The following ACTL6A variants were observed in gnomAD, a reference collection of about 807,000 sequenced individuals.
The protein encoded by ACTL6A is actin-like protein 6A.
A neutral mutation model predicts 59.2 loss-of-function variants in ACTL6A; 5 were observed. The ratio of observed to expected loss-of-function variants is 0.08; its 90% CI spans 0.04 to 0.18. The LOEUF (loss-of-function observed/expected upper bound fraction) is 0.18, where lower values mean the gene tolerates loss of function less well. Among genes scored for constraint, ACTL6A ranks in the 10% least tolerant of loss-of-function variants. The pLI, the probability that ACTL6A is intolerant of heterozygous loss-of-function variation, is 1.00. For missense variants in ACTL6A, 285 were observed against 526.9 expected (o/e 0.54, Z 4.49); for synonymous variants, 154 against 171.8 (o/e 0.90, Z 0.81).
intron 5 of ACTL6A, among the ~76,000 whole-genome samples, chr3:179,575,858 G>C (rs577022954): frequency 2.0e-5 from 3 of 152,272 alleles, no homozygotes; most frequent in Admixed American, 6.5e-5. Flanking sequence ...TTCTTACCAA[G>C]TTTCTGTATA....
intron 10 of ACTL6A, 41 bp downstream of exon 10, chr3:179,581,049 A>G: frequency 6.3e-7 from 1 of 1,598,864 alleles, no homozygotes; most frequent in Non-Finnish European, 8.6e-7. Context: ...CTTTTCCTAT[A>G]TAGGTAAAGA....
chr3:179,587,756 G>A (rs1352649244), intron 13 of ACTL6A, among the ~76,000 whole-genome samples, 174 bp from the exon 14 acceptor site: 1 of 151,946 alleles, frequency 6.6e-6, no homozygotes, highest in Non-Finnish European at 1.5e-5. Context: ...GGAGTCCCAG[G>A]CTGAGGTGGG....
intron 1 of ACTL6A, among the ~76,000 whole-genome samples, chr3:179,565,207 C>T (rs1035160044): frequency 2.0e-5 from 3 of 151,872 alleles, no homozygotes; most frequent in African/African-American, 4.8e-5. Context: ...GAGGCCGAGG[C>T]GGGCGGATCA....
At chr3:179,575,762 G>A (rs1424989868) in intron 5 of ACTL6A, among the ~76,000 whole-genome samples, 1 of 152,200 alleles carries the variant, frequency 6.6e-6, no homozygotes, top group Non-Finnish European at 1.5e-5. Context: ...ACTGCCATAT[G>A]GCTGCCAAAC....
intron 8 of ACTL6A, among the ~76,000 whole-genome samples, chr3:179,577,819 T>C (rs573734608): frequency 6.9e-4 from 104 of 151,518 alleles, no homozygotes; most frequent in African/African-American, 2.2e-3. Flanking sequence ...TCTCATTCTT[T>C]TTTTTTTTTT....
chr3:179,570,416 T>C lies in ACTL6A; in HGVS notation c.277+175T>C. ...TACAAAGATGCATAAGAAATGTTCCTTTTCATTAAAAGCTTACAGTTAGTT... is the reference window on the plus strand; with the variant it reads ...TACAAAGATGCATAAGAAATGTTCCCTTTCATTAAAAGCTTACAGTTAGTT... On this transcript the variant is annotated intron_variant, in intron 3 of 13. Coordinates refer to ENST00000429709, the MANE Select transcript of ACTL6A (RefSeq NM_004301.5). The surrounding 1 kb of genome is among the most constrained non-coding windows in gnomAD (Gnocchi z 4.3). 3 of 588,758 alleles carry C rather than the reference T, an allele frequency of 5.1e-6. No individual in the cohort carries two copies. Among genetic ancestry groups the C allele is most frequent in the Admixed American group, 3.6e-5 (1 of 27,674 alleles). 36.5% of individuals were successfully genotyped at this position (588,758 alleles called of 1,614,324 possible).
At chr3:179,575,132 C>T (rs922893119) in intron 5 of ACTL6A, 4 of 298,684 alleles carry the variant, frequency 1.3e-5, no homozygotes, top group Admixed American at 9.9e-5. Flanking sequence ...CATGAGCCAC[C>T]GTGCCCAGCC....
intron 8 of ACTL6A, among the ~76,000 whole-genome samples, chr3:179,580,291 T>C (rs1411520438): frequency 6.6e-6 from 1 of 152,246 alleles, no homozygotes; most frequent in Non-Finnish European, 1.5e-5. Flanking sequence ...ATGTAGGTAA[T>C]GAAATCTTGC....
intron 13 of ACTL6A, among the ~76,000 whole-genome samples, chr3:179,587,296 G>A (rs150603697): frequency 0.023 from 3,423 of 152,120 alleles, 58 homozygotes; most frequent in Non-Finnish European, 0.038. Flanking sequence ...AGCAACAAAA[G>A]TAAATGTCAT....
At chr3:179,577,950 C>T (rs564645600) in intron 8 of ACTL6A, among the ~76,000 whole-genome samples, 1 of 152,136 alleles carries the variant, frequency 6.6e-6, no homozygotes, top group South Asian at 2.1e-4. Flanking sequence ...AGTGTACATA[C>T]ACATACATGT....
At chr3:179,563,261 C>G in intron 1 of ACTL6A, 144 bp downstream of exon 1, 1 of 1,351,854 alleles carries the variant, frequency 7.4e-7, no homozygotes. Flanking sequence ...CCCCGCCCCA[C>G]GCTCTGCCCG....
At position 179,573,256 on chromosome 3, in the gene ACTL6A, T is replaced by C. The variant is rs187958205; in HGVS notation, c.278-113T>C. 1.3e-5 allele frequency: 8 copies of C among 617,414 alleles called. No individual in the cohort carries two copies. The African/African-American group carries it at 1.6e-4, about 12-fold the overall frequency. 38.2% of individuals were successfully genotyped at this position (617,414 alleles called of 1,614,324 possible). On this transcript the variant is annotated intron_variant, in intron 3 of 13. Transcript: ENST00000429709. The stretch of plus-strand genomic sequence containing the variant: ...GTATGAAGTTGATCTGTAAAATCAG[T>C]AGGTTCTGTATACTAAAGTATTAAT...
intron 12 of ACTL6A, 89 bp downstream of exon 12, chr3:179,583,537 A>G: frequency 1.0e-6 from 1 of 970,372 alleles, no homozygotes; most frequent in South Asian, 1.4e-5. Context: ...CCATTTTTCA[A>G]TAGATACATG....
At chr3:179,587,687 A>C (rs1718547394) in intron 13 of ACTL6A, among the ~76,000 whole-genome samples, 1 of 152,080 alleles carries the variant, frequency 6.6e-6, no homozygotes, top group Admixed American at 6.6e-5. Flanking sequence ...CAGCCTGGGC[A>C]ACATAGTGTG....
chr3:179,573,545 C>A, intron 4 of ACTL6A, 76 bp downstream of exon 4: 1 of 961,386 alleles, frequency 1.0e-6, no homozygotes, highest in Non-Finnish European at 1.5e-6. Context: ...TAGTTTTCTA[C>A]TCATTTGATG....
intron 8 of ACTL6A, among the ~76,000 whole-genome samples, chr3:179,578,579 A>T: frequency 6.6e-6 from 1 of 152,274 alleles, no homozygotes; most frequent in South Asian, 2.1e-4. Flanking sequence ...TGATTGTACC[A>T]GTGCCTTCTA....
At chr3:179,580,500 C>A in intron 8 of ACTL6A, 140 bp from the exon 9 acceptor site, 1 of 607,238 alleles carries the variant, frequency 1.6e-6, no homozygotes, top group Non-Finnish European at 2.8e-6. Context: ...TTGTTAGGTA[C>A]ATTTATACTC....
chr3:179,582,533 A>C (rs1718367478), intron 11 of ACTL6A, among the ~76,000 whole-genome samples: 1 of 152,248 alleles, frequency 6.6e-6, no homozygotes, highest in African/African-American at 2.4e-5. Context: ...AATTTTGGCG[A>C]GGAATATGTT....
chr3:179,583,570 A>T, intron 12 of ACTL6A, 122 bp downstream of exon 12: 1 of 675,394 alleles, frequency 1.5e-6, no homozygotes, highest in Non-Finnish European at 2.5e-6. Context: ...TGCCTGGTAT[A>T]GTATCACTAA....
Sources: gnomAD v4.1 joint callset for allele counts (sites outside exome capture counted in the v4.1 genomes callset) on GRCh38, gnomAD v4.1.1 for gene constraint, Gnocchi (gnomAD v3.1) non-coding constraint, MANE v1.5 for transcripts, NCBI Gene and HGNC (gene_info 2026-07-23, HGNC 2026-07-21) for gene names.